Variants in ADGRL3 observed in about 807,000 individuals in gnomAD.
ADGRL3 encodes the protein calcium-independent alpha-latrotoxin receptor 3.
ADGRL3 carries 62 observed loss-of-function variants against 153.5 expected under a neutral mutation model. The observed-to-expected ratio is 0.40, with a 90% CI of 0.33 to 0.50. The LOEUF (loss-of-function observed/expected upper bound fraction) is 0.50, where lower values mean the gene tolerates loss of function less well. Among genes scored for constraint, ADGRL3 ranks in the 20% least tolerant of loss-of-function variants. The pLI is 0.47. For missense variants in ADGRL3, 1,641 were observed against 1,859.4 expected, an observed-to-expected ratio of 0.88 and a Z score of 2.16; for synonymous variants, 710 against 672.5, an observed-to-expected ratio of 1.06 and a Z score of -0.86.
rs1288517594 is a variant in ADGRL3 at position 61,387,859 on chromosome 4, A to G, written c.-174+4670A>G. Among the ~76,000 whole-genome samples, 50 of 152,178 alleles carry G rather than the reference A, an allele frequency of 3.3e-4. 1 individual carries two copies. Among genetic ancestry groups the G allele is most frequent in the Admixed American group, 3.3e-3 (50 of 15,276 alleles). ...GTAAAGACAGGCATAGGAAATCACA[A>G]GGGTATTGATTGGGGAAGTGGTAAG... On this transcript the variant is annotated intron_variant, in intron 2 of 26. Transcript: ENST00000683033.
At chr4:61,231,523 A>G (rs1419714208) in intron 1 of ADGRL3, among the ~76,000 whole-genome samples, 1 of 152,046 alleles carries the variant, frequency 6.6e-6, no homozygotes, top group African/African-American at 2.4e-5. Context: ...GTTTATTTCT[A>G]CATCTCCATC....
At position 61,290,062 on chromosome 4, in the gene ADGRL3, T is replaced by C. The variant is rs138089417; in HGVS notation, c.-240+88297T>C. Among the ~76,000 whole-genome samples the C allele has an allele frequency of 9.7e-4, 147 of 152,174 alleles. 1 individual carries two copies. Among genetic ancestry groups the C allele is most frequent in the African/African-American group, 3.5e-3 (144 of 41,542 alleles). ...AAATGGAAAACAAATAAACAGAACATACCTCCCCTATGAAGGAAGTATTGT... is the reference window on the plus strand; with the variant it reads ...AAATGGAAAACAAATAAACAGAACACACCTCCCCTATGAAGGAAGTATTGT... On this transcript the variant is annotated intron_variant, in intron 1 of 26. Coordinates refer to ENST00000683033, the MANE Select transcript of ADGRL3 (RefSeq NM_001387552.1).
intron 1 of ADGRL3, among the ~76,000 whole-genome samples, chr4:61,267,668 C>T (rs917329160): frequency 5.9e-5 from 9 of 151,480 alleles, no homozygotes; most frequent in Admixed American, 3.3e-4. Context: ...AACAAAGATG[C>T]CTTATTTTCT....
chr4:61,333,625 ACT>A (rs1235791746), intron 1 of ADGRL3, among the ~76,000 whole-genome samples: 4 of 151,288 alleles, frequency 2.6e-5, no homozygotes, highest in Admixed American at 6.6e-5. Context: ...ACAGGATTTC[ACT>A]CTGTCTCCCA....
At chr4:62,052,684 T>C (rs755157917) in intron 25 of ADGRL3, among the ~76,000 whole-genome samples, 23 of 151,302 alleles carry the variant, frequency 1.5e-4, no homozygotes, top group Non-Finnish European at 3.0e-4. Context: ...TTAAAATTTT[T>C]ATATTTCAGT....
intron 2 of ADGRL3, among the ~76,000 whole-genome samples, chr4:61,437,636 A>G (rs1315959656): frequency 6.6e-6 from 1 of 152,174 alleles, no homozygotes; most frequent in Non-Finnish European, 1.5e-5. Flanking sequence ...CTTCTTTATA[A>G]AATATCATTT....
At chr4:61,818,429 T>C in intron 9 of ADGRL3, among the ~76,000 whole-genome samples, 1 of 152,184 alleles carries the variant, frequency 6.6e-6, no homozygotes, top group East Asian at 1.9e-4. Flanking sequence ...CATCTGCAGC[T>C]TTTCCAGGTG....
chr4:61,707,566 C>A (rs1393041456), intron 6 of ADGRL3, among the ~76,000 whole-genome samples: 1 of 151,736 alleles, frequency 6.6e-6, no homozygotes, highest in Non-Finnish European at 1.5e-5. Context: ...AGGTGTTTGA[C>A]CTTGATTTTT....
At chr4:61,828,629 A>G (rs2097838484) in intron 9 of ADGRL3, among the ~76,000 whole-genome samples, 1 of 152,138 alleles carries the variant, frequency 6.6e-6, no homozygotes, top group Non-Finnish European at 1.5e-5. Flanking sequence ...ATATTTTCTG[A>G]TGAGTTTAAA....
chr4:62,041,466 T>C (rs1247421352), intron 24 of ADGRL3, among the ~76,000 whole-genome samples: 1 of 152,082 alleles, frequency 6.6e-6, no homozygotes, highest in African/African-American at 2.4e-5. Context: ...AAGTGAAATA[T>C]GTATATGAAA....
In ADGRL3 at chr4:62,010,257, G is replaced by A. The variant is rs1473780046; in HGVS notation, c.3395+11992G>A. ...TTTAATGTTAGCTTGGTCCTTCTGC[G>A]AACGAGGCCCCATGCTGAAGTTATC... On this transcript the variant is annotated intron_variant, in intron 21 of 26. Transcript: ENST00000683033. 3.3e-5 allele frequency among the ~76,000 whole-genome samples: 5 copies of A among 152,084 alleles called. 1 individual carries two copies. The highest frequency in any genetic ancestry group is 2.6e-4 in the Admixed American group (4 of 15,262).
intron 5 of ADGRL3, among the ~76,000 whole-genome samples, chr4:61,657,898 G>A (rs2094484453): frequency 6.6e-6 from 1 of 152,146 alleles, no homozygotes; most frequent in Non-Finnish European, 1.5e-5. Flanking sequence ...AGAGGGAGGA[G>A]TGCTTCTATC....
intron 17 of ADGRL3, among the ~76,000 whole-genome samples, chr4:61,974,941 T>C (rs1000330708): frequency 2.6e-5 from 4 of 152,164 alleles, no homozygotes; most frequent in African/African-American, 9.7e-5. Context: ...ATACAACTTG[T>C]AGTTTGAATC....
At chr4:61,935,848 C>A in intron 14 of ADGRL3, 75 bp from the exon 15 acceptor site, 1 of 1,322,590 alleles carries the variant, frequency 7.6e-7, no homozygotes, top group Non-Finnish European at 1.0e-6. Flanking sequence ...TTCAGAAATA[C>A]TGCAATGGTT....
chr4:61,955,841 C>T (rs2098964082), intron 17 of ADGRL3, among the ~76,000 whole-genome samples: 1 of 152,140 alleles, frequency 6.6e-6, no homozygotes, highest in Non-Finnish European at 1.5e-5. Context: ...CCAGCTTCAT[C>T]CATGTCCCTG....
intron 1 of ADGRL3, among the ~76,000 whole-genome samples, chr4:61,365,415 G>A (rs1435891105): frequency 2.0e-5 from 3 of 152,212 alleles, no homozygotes; most frequent in Non-Finnish European, 4.4e-5. Context: ...GGCTCTTGAT[G>A]TTCAAGAGCA....
In ADGRL3 at chr4:61,774,849, C is replaced by T. The variant is rs555481703; in HGVS notation, c.1400-38960C>T. On this transcript the variant is annotated intron_variant, in intron 8 of 26. Coordinates refer to ENST00000683033, the MANE Select transcript of ADGRL3 (RefSeq NM_001387552.1). ...TGGTATGTGTACTATTTGCTGCTAT[C>T]GGTTGTTTCAGGCATCCACTGGGGG... 3.9e-5 allele frequency among the ~76,000 whole-genome samples: 6 copies of T among 152,216 alleles called. 1 individual carries two copies. The highest frequency in any genetic ancestry group is 4.2e-4 in the South Asian group (2 of 4,810).
intron 2 of ADGRL3, among the ~76,000 whole-genome samples, chr4:61,387,302 C>A (rs1322311692): frequency 6.6e-6 from 1 of 152,054 alleles, no homozygotes; most frequent in Non-Finnish European, 1.5e-5. Context: ...GACCACAGGA[C>A]CGAGGTGAAG....
intron 25 of ADGRL3, chr4:62,063,464 CT>C (rs752814590): frequency 0.1 from 48,548 of 471,750 alleles, 1 homozygote; most frequent in East Asian, 0.13. Flanking sequence ...CCTGATTGAC[CT>C]TTTTTTTTTT....
Sources: gnomAD v4.1 joint callset for allele counts (sites outside exome capture counted in the v4.1 genomes callset) on GRCh38, gnomAD v4.1.1 for gene constraint, MANE v1.5 for transcripts, NCBI Gene and HGNC (gene_info 2026-07-23, HGNC 2026-07-21) for gene names.